CPLANE1: variants seen among roughly 807,000 people sequenced by gnomAD.
CPLANE1 encodes the protein ciliogenesis and planar polarity effector complex subunit 1, also known as ciliogenesis and planar polarity effector 1.
CPLANE1 carries 263 observed loss-of-function variants against 362.5 expected under a neutral mutation model. The observed-to-expected ratio is 0.73, with a 90% CI of 0.66 to 0.80. The LOEUF (loss-of-function observed/expected upper bound fraction) is 0.80. Among genes scored for constraint, CPLANE1 ranks in the 30% least tolerant of loss-of-function variants. CPLANE1 has a pLI of 0.00. For synonymous variants in CPLANE1, 1,212 were observed against 1,302.6 expected, an observed-to-expected ratio of 0.93 and a Z score of 1.50; for missense variants, 3,461 against 3,793.4, an observed-to-expected ratio of 0.91 and a Z score of 2.30.
At chr5:37,206,118 T>C (rs1790649776) in intron 17 of CPLANE1, 79 bp downstream of exon 17, 1 of 964,036 alleles carries the variant, frequency 1.0e-6, no homozygotes, top group South Asian at 1.5e-5. Flanking sequence ...CCACATAAAA[T>C]GTAAATACCA....
chr5:37,165,949 C>T (rs1353480952), intron 35 of CPLANE1, among the ~76,000 whole-genome samples: 1 of 152,198 alleles, frequency 6.6e-6, no homozygotes, highest in Non-Finnish European at 1.5e-5. Context: ...AATTATTAAA[C>T]TCTCTTTTCT....
At position 37,181,024 on chromosome 5, in the gene CPLANE1, A is replaced by G; in HGVS notation, c.5422-19T>C. Reference sequence around the variant, plus strand: ...CTACCATCTAAAGCAAACCATTTAAAGTATTTAGTATTTATTGAACCCTTT... The same window carrying G: ...CTACCATCTAAAGCAAACCATTTAAGGTATTTAGTATTTATTGAACCCTTT... On this transcript the variant is annotated intron_variant, in intron 26 of 52. Transcript: ENST00000651892. 6.3e-7 allele frequency: 1 copy of G among 1,596,558 alleles called. No individual in the cohort carries two copies. Among genetic ancestry groups the G allele is most frequent in the Non-Finnish European group, 8.6e-7 (1 of 1,169,156 alleles).
At chr5:37,120,130 T>A in intron 50 of CPLANE1, 86 bp downstream of exon 50, 1 of 1,325,052 alleles carries the variant, frequency 7.5e-7, no homozygotes, top group Non-Finnish European at 1.0e-6. Context: ...CTAAGACTTA[T>A]ACCTTTTACT....
intron 26 of CPLANE1, among the ~76,000 whole-genome samples, chr5:37,181,447 A>G (rs1015573349): frequency 2.0e-5 from 3 of 152,226 alleles, no homozygotes; most frequent in Admixed American, 1.3e-4. Flanking sequence ...TTACCTAGAA[A>G]TACACATTTC....
At chr5:37,185,418 G>A (rs1487546043) in intron 24 of CPLANE1, among the ~76,000 whole-genome samples, 1 of 151,768 alleles carries the variant, frequency 6.6e-6, no homozygotes, top group Non-Finnish European at 1.5e-5. Context: ...AATAATGAAT[G>A]TTTTTTCTAT....
intron 47 of CPLANE1, 71 bp downstream of exon 47, chr5:37,125,173 T>C (rs1423596877): frequency 2.7e-6 from 4 of 1,495,950 alleles, no homozygotes; most frequent in African/African-American, 2.8e-5. Flanking sequence ...TTAATCTTTT[T>C]CTTAAAATTT....
chr5:37,122,647 T>C (rs1194229021), intron 47 of CPLANE1, among the ~76,000 whole-genome samples, 159 bp from the exon 48 acceptor site: 1 of 152,200 alleles, frequency 6.6e-6, no homozygotes, highest in Non-Finnish European at 1.5e-5. Context: ...TAAAACATCA[T>C]GTAATTAAAG....
rs748377235 is a variant in CPLANE1, at chr5:37,169,493, T to A, written c.6531A>T (p.Pro2177=). The part of the protein sequence containing the change: ...NGQPRKKGPI[P]SSQNLPSTSF... ...AAGTGGATGGTAAGTTTTGAGATGA[T>A]GGAATTGGTCCTTTTTTCCGGGGCT... The change falls in exon 34 of 53, where the codon CCA becomes CCT. Residue 2177 remains proline, a synonymous_variant. Transcript: ENST00000651892. The A allele has an allele frequency of 2.5e-6, 4 of 1,614,004 alleles. No individual in the cohort carries two copies. Among genetic ancestry groups the A allele is most frequent in the Non-Finnish European group, 1.7e-6 (2 of 1,180,000 alleles).
chr5:37,230,716 A>C (rs925047772), intron 9 of CPLANE1, 151 bp downstream of exon 9: 2 of 486,192 alleles, frequency 4.1e-6, no homozygotes, highest in Non-Finnish European at 6.7e-6. Flanking sequence ...AAACAGAAGA[A>C]AACTACAAAT....
At chr5:37,132,382 T>TG (rs1766148251) in intron 46 of CPLANE1, among the ~76,000 whole-genome samples, 2 of 140,882 alleles carry the variant, frequency 1.4e-5, no homozygotes, top group African/African-American at 5.3e-5. Flanking sequence ...TCTTGCTCTG[T>TG]CGCCCAGGCT....
chr5:37,099,970 T>C, the CPLANE1 span, among the ~76,000 whole-genome samples: 1 of 152,220 alleles, frequency 6.6e-6, no homozygotes, highest in Non-Finnish European at 1.5e-5. Context: ...GTTTTTTTTC[T>C]TGTAAATTTG....
the CPLANE1 span, among the ~76,000 whole-genome samples, chr5:37,078,184 C>G: frequency 1.3e-5 from 2 of 152,150 alleles, no homozygotes; most frequent in Non-Finnish European, 2.9e-5. Context: ...ATTAGCTATT[C>G]TTCCTGATTC....
In CPLANE1 at chr5:37,157,343, G is replaced by A; in HGVS notation, c.8089C>T (p.Pro2697Ser). The change falls in exon 41 of 53, where the codon CCT becomes TCT. Residue 2697 changes from proline (P) to serine (S), a missense_variant. Pro to Ser is a moderately conservative substitution (Grantham distance 74, BLOSUM62 -1). Coordinates refer to ENST00000651892, the MANE Select transcript of CPLANE1 (RefSeq NM_001384732.1). ...TEVKEPSVTS[P>S]TPSDIQQNKG... Reference sequence around the variant, plus strand: ...TTCTGCTGTATGTCTGATGGTGTAGGTGAGGTGACACTAGGCTCCTTCACT... The same window carrying A: ...TTCTGCTGTATGTCTGATGGTGTAGATGAGGTGACACTAGGCTCCTTCACT... 1 of 1,379,596 alleles carries A rather than the reference G, an allele frequency of 7.2e-7. No homozygotes were observed. The highest frequency in any genetic ancestry group is 1.1e-5 in the South Asian group (1 of 88,142). 85.5% of individuals were successfully genotyped at this position (1,379,596 alleles called of 1,614,324 possible). A position where few individuals can be genotyped will look rare whatever the true frequency, so the allele number is the denominator to read the frequency against.
intron 32 of CPLANE1, 115 bp from the exon 33 acceptor site, chr5:37,170,446 G>A (rs1417874852): frequency 6.3e-6 from 7 of 1,114,488 alleles, no homozygotes; most frequent in Non-Finnish European, 8.8e-6. Context: ...TAATATCTAT[G>A]AGAATCATGA....
intron 37 of CPLANE1, among the ~76,000 whole-genome samples, chr5:37,163,873 A>T (rs952217117): frequency 1.3e-5 from 2 of 152,148 alleles, no homozygotes; most frequent in Non-Finnish European, 2.9e-5. Context: ...ATTGAGCTCA[A>T]TCACAATGGC....
At chr5:37,179,307 A>T in intron 29 of CPLANE1, 54 bp downstream of exon 29, 1 of 1,127,560 alleles carries the variant, frequency 8.9e-7, no homozygotes, top group Non-Finnish European at 1.3e-6. Flanking sequence ...TGTATAATTT[A>T]AACACTATAC....
At chr5:37,231,073 G>C (rs1413036515) in intron 8 of CPLANE1, 24 bp from the exon 9 acceptor site, 2 of 1,457,248 alleles carry the variant, frequency 1.4e-6, no homozygotes, top group Non-Finnish European at 1.8e-6. Flanking sequence ...GAGACAACAT[G>C]TTTAGAAGAG....
At chr5:37,088,614 AG>A in the CPLANE1 span, among the ~76,000 whole-genome samples, 1 of 152,204 alleles carries the variant, frequency 6.6e-6, no homozygotes, top group African/African-American at 2.4e-5. Flanking sequence ...AGGCAACTTC[AG>A]TAGGAGCAAG....
intron 19 of CPLANE1, among the ~76,000 whole-genome samples, chr5:37,200,573 T>C (rs546564660): frequency 6.6e-6 from 1 of 152,272 alleles, no homozygotes; most frequent in African/African-American, 2.4e-5. Context: ...GTCGCCAATA[T>C]TGAAACAGGA....
Sources: gnomAD v4.1 joint callset for allele counts (sites outside exome capture counted in the v4.1 genomes callset) on GRCh38, gnomAD v4.1.1 for gene constraint, MANE v1.5 for transcripts, NCBI Gene and HGNC (gene_info 2026-07-23, HGNC 2026-07-21) for gene names.